LGSN: variants seen among roughly 807,000 people sequenced by gnomAD.
LGSN encodes lengsin.
A neutral mutation model predicts 19.5 loss-of-function variants in LGSN; 21 were observed. That is an observed-to-expected ratio of 1.07 (90% CI 0.76 to 1.55). The LOEUF is 1.55. Ranked by LOEUF, LGSN falls within the 40% of genes most tolerant of loss-of-function variation. LGSN has a pLI of 0.00. For synonymous variants in LGSN, 257 were observed against 215.6 expected, an observed-to-expected ratio of 1.19 and a Z score of -1.68; for missense variants, 673 against 608.5, an observed-to-expected ratio of 1.11 and a Z score of -1.12.
At chr6:63,562,010 T>C in the LGSN span, among the ~76,000 whole-genome samples, 2 of 152,084 alleles carry the variant, frequency 1.3e-5, no homozygotes, top group African/African-American at 4.8e-5. Context: ...GGAAAAAAAA[T>C]ACAAAATATA....
chr6:63,408,371 C>T, the LGSN span, among the ~76,000 whole-genome samples: 1,095 of 146,908 alleles, frequency 7.5e-3, 4 homozygotes, highest in Non-Finnish European at 0.01. Flanking sequence ...TCAGAAATAA[C>T]GCCACATATC....
the LGSN span, among the ~76,000 whole-genome samples, chr6:63,512,327 C>T: frequency 2.7e-4 from 41 of 152,314 alleles, no homozygotes; most frequent in African/African-American, 9.6e-4. Context: ...AAGTGATCTA[C>T]CTGCCTCGGC....
chr6:63,279,930 G>T lies in LGSN; in HGVS notation c.*91C>A. ...CATTCGTAATCTTGTTATTGTTGCT[G>T]TTGTTAATTACAAAAGTTCAGTCTT... On this transcript the variant is annotated 3_prime_UTR_variant, in exon 4 of 4. Transcript: ENST00000370657. 1 of 1,192,880 alleles carries T rather than the reference G, an allele frequency of 8.4e-7. No individual in the cohort carries two copies. The highest frequency in any genetic ancestry group is 1.2e-6 in the Non-Finnish European group (1 of 846,538). The allele number at this position is 1,192,880 out of a possible 1,614,324, so 73.9% of individuals were successfully genotyped here.
chr6:63,432,382 T>C, the LGSN span, among the ~76,000 whole-genome samples: 1 of 152,030 alleles, frequency 6.6e-6, no homozygotes, highest in African/African-American at 2.4e-5. Context: ...GGCTGCTATG[T>C]GTCAGGTGTC....
chr6:63,288,839 A>G (rs560537877), intron 2 of LGSN, among the ~76,000 whole-genome samples: 37 of 152,306 alleles, frequency 2.4e-4, no homozygotes, highest in African/African-American at 8.9e-4. Context: ...ATCATAATGG[A>G]TTAGGGGCCA....
At chr6:63,315,476 T>C (rs748237591) in intron 1 of LGSN, among the ~76,000 whole-genome samples, 7 of 152,050 alleles carry the variant, frequency 4.6e-5, no homozygotes, top group Non-Finnish European at 1.0e-4. Flanking sequence ...AATTTTACCT[T>C]TTCTTTAGGG....
the LGSN span, among the ~76,000 whole-genome samples, chr6:63,484,232 A>G: frequency 6.6e-6 from 1 of 152,146 alleles, no homozygotes; most frequent in African/African-American, 2.4e-5. Flanking sequence ...GGCAAGCACA[A>G]TGGCTCACGC....
the LGSN span, among the ~76,000 whole-genome samples, chr6:63,373,689 G>T: frequency 6.6e-6 from 1 of 152,090 alleles, no homozygotes; most frequent in East Asian, 1.9e-4. Flanking sequence ...GGGCATCTGT[G>T]GGGCAGGGAG....
the LGSN span, among the ~76,000 whole-genome samples, chr6:63,338,078 G>A: frequency 1.3e-5 from 2 of 152,038 alleles, no homozygotes; most frequent in African/African-American, 4.8e-5. Flanking sequence ...TAGAGACAAG[G>A]TTTCACCATC....
the LGSN span, among the ~76,000 whole-genome samples, chr6:63,412,495 AAAGAAAGAAAG>A: frequency 6.7e-3 from 678 of 100,656 alleles, 19 homozygotes; most frequent in African/African-American, 0.031. Context: ...AGAAAGAAAG[AAAGAAAGAAAG>A]AAAGAAAGAA....
chr6:63,366,172 T>C, the LGSN span, among the ~76,000 whole-genome samples: 4 of 152,204 alleles, frequency 2.6e-5, no homozygotes, highest in African/African-American at 7.2e-5. Flanking sequence ...GGTGACATGA[T>C]TGTATATTTA....
chr6:63,446,626 A>G, the LGSN span, among the ~76,000 whole-genome samples: 4 of 152,352 alleles, frequency 2.6e-5, no homozygotes, highest in East Asian at 5.8e-4. Context: ...AGGCATTATC[A>G]TTCTATTTCC....
rs144459161 is a variant in LGSN, at chr6:63,280,494, C to T, written c.1057G>A (p.Ala353Thr). Residue 353 changes from alanine to threonine, a missense_variant, in exon 4 of 4, where the codon GCT becomes ACT. Coordinates refer to ENST00000370657, the MANE Select transcript of LGSN (RefSeq NM_016571.3). ...KWLAGLLKHSAALSCLMAPSV... is the reference protein window; with the variant it reads ...KWLAGLLKHSTALSCLMAPSV... The stretch of plus-strand genomic sequence containing the variant: ...GGCGCCATCAGGCAGCTGAGCGCAG[C>T]AGAGTGCTTCAAGAGTCCTGCCAAC... 3.1e-6 allele frequency: 5 copies of T among 1,614,128 alleles called. No homozygotes were observed. The highest frequency in any genetic ancestry group is 4.2e-6 in the Non-Finnish European group (5 of 1,180,032).
the LGSN span, among the ~76,000 whole-genome samples, chr6:63,387,488 T>C: frequency 2.0e-5 from 3 of 152,156 alleles, no homozygotes; most frequent in Non-Finnish European, 2.9e-5. Flanking sequence ...GCAAATACTT[T>C]ATCAGATACT....
the LGSN span, among the ~76,000 whole-genome samples, chr6:63,456,380 TA>T: frequency 8.1e-6 from 1 of 124,214 alleles, no homozygotes; most frequent in African/African-American, 3.5e-5. Flanking sequence ...TATATATATA[TA>T]TATATATATA....
At chr6:63,438,230 C>A in the LGSN span, among the ~76,000 whole-genome samples, 10 of 152,100 alleles carry the variant, frequency 6.6e-5, no homozygotes, top group Non-Finnish European at 1.2e-4. Flanking sequence ...CTGACCTACA[C>A]GGTGAAACTG....
At chr6:63,451,472 T>C in the LGSN span, among the ~76,000 whole-genome samples, 3 of 152,204 alleles carry the variant, frequency 2.0e-5, no homozygotes, top group Non-Finnish European at 4.4e-5. Context: ...CCATTATCCT[T>C]AGCAAACTAA....
the LGSN span, among the ~76,000 whole-genome samples, chr6:63,354,274 T>G: frequency 6.6e-6 from 1 of 151,840 alleles, no homozygotes; most frequent in African/African-American, 2.4e-5. Context: ...CCAAAATACA[T>G]AAGGAACTCA....
the LGSN span, among the ~76,000 whole-genome samples, chr6:63,526,453 C>T: frequency 1.3e-5 from 2 of 151,790 alleles, no homozygotes; most frequent in Non-Finnish European, 2.9e-5. Context: ...AGAGCCAATC[C>T]AGTTCAACAG....
Sources: allele counts gnomAD v4.1 joint callset (sites outside exome capture counted in the v4.1 genomes callset), GRCh38; gene constraint gnomAD v4.1.1; transcripts MANE v1.5; gene names NCBI Gene and HGNC (gene_info 2026-07-23, HGNC 2026-07-21).